Variants in HCN1 observed in about 807,000 individuals in gnomAD.
HCN1 encodes the protein potassium/sodium hyperpolarization-activated cyclic nucleotide-gated channel 1.
In HCN1, 13 loss-of-function variants were observed where a neutral mutation model predicts 78.9. That is an observed-to-expected ratio of 0.16 (90% CI 0.11 to 0.26). The LOEUF (loss-of-function observed/expected upper bound fraction) is 0.26, where lower values mean the gene tolerates loss of function less well. HCN1 is among the 10% of genes least tolerant of loss of function. The pLI is 1.00. For missense variants in HCN1, 810 were observed against 1,154.3 expected, an observed-to-expected ratio of 0.70 and a Z score of 4.32; for synonymous variants, 552 against 455.5, an observed-to-expected ratio of 1.21 and a Z score of -2.70.
chr5:45,351,062 C>T (rs1746889791), intron 5 of HCN1, among the ~76,000 whole-genome samples: 1 of 152,068 alleles, frequency 6.6e-6, no homozygotes, highest in African/African-American at 2.4e-5. Context: ...GAGCCCGCAT[C>T]ACCAAGTCAA....
chr5:45,422,529 T>G (rs1448403646), intron 3 of HCN1, among the ~76,000 whole-genome samples: 2 of 152,132 alleles, frequency 1.3e-5, no homozygotes, highest in African/African-American at 4.8e-5. Context: ...CTTTGAAGAT[T>G]AGGACTTCAA....
intron 5 of HCN1, among the ~76,000 whole-genome samples, chr5:45,332,897 A>T (rs1746375416): frequency 6.6e-6 from 1 of 151,700 alleles, no homozygotes; most frequent in South Asian, 2.1e-4. Context: ...ATGTTGATGG[A>T]CACTTCAGTT....
intron 2 of HCN1, among the ~76,000 whole-genome samples, chr5:45,607,579 T>TTTTA (rs536238796): frequency 7.8e-5 from 10 of 127,942 alleles, no homozygotes; most frequent in South Asian, 5.4e-4. Flanking sequence ...CACAATATCA[T>TTTTA]TATATATATA....
intron 6 of HCN1, among the ~76,000 whole-genome samples, chr5:45,277,015 G>T (rs568882708): frequency 1.4e-4 from 22 of 152,112 alleles, no homozygotes; most frequent in African/African-American, 5.1e-4. Context: ...ATTTGATTAG[G>T]CATAGAGAAT....
intron 2 of HCN1, among the ~76,000 whole-genome samples, chr5:45,465,049 A>AT (rs1483621167): frequency 6.6e-6 from 1 of 152,162 alleles, no homozygotes. Flanking sequence ...TAAGGTGGAC[A>AT]TTCTTAAGTA....
intron 4 of HCN1, among the ~76,000 whole-genome samples, chr5:45,376,299 T>TATTCCA (rs1747671386): frequency 1.4e-3 from 2 of 1,452 alleles, no homozygotes; most frequent in Admixed American, 8.2e-3. Context: ...ATATATTGTA[T>TATTCCA]TATATATAAA....
At chr5:45,313,362 C>A (rs1013341405) in intron 5 of HCN1, among the ~76,000 whole-genome samples, 2 of 152,122 alleles carry the variant, frequency 1.3e-5, no homozygotes, top group Admixed American at 1.3e-4. Context: ...AAAACCCCAT[C>A]TGTACGTCAC....
chr5:45,679,572 C>T (rs1739662346), intron 1 of HCN1, among the ~76,000 whole-genome samples: 1 of 152,034 alleles, frequency 6.6e-6, no homozygotes, highest in Non-Finnish European at 1.5e-5. Flanking sequence ...TTTCTAGTCA[C>T]ACAGCGTATT....
intron 3 of HCN1, among the ~76,000 whole-genome samples, chr5:45,404,086 A>G (rs190707614): frequency 6.6e-6 from 1 of 152,312 alleles, no homozygotes; most frequent in Admixed American, 6.5e-5. Context: ...CTACCATTGA[A>G]TGATGGCTTG....
At chr5:45,343,250 A>C (rs1241109258) in intron 5 of HCN1, among the ~76,000 whole-genome samples, 1 of 152,162 alleles carries the variant, frequency 6.6e-6, no homozygotes, top group African/African-American at 2.4e-5. Flanking sequence ...GAGCTTAGGG[A>C]GTCTATACTT....
At chr5:45,371,833 A>G (rs1187358086) in intron 4 of HCN1, among the ~76,000 whole-genome samples, 2 of 130,972 alleles carry the variant, frequency 1.5e-5, no homozygotes, top group Admixed American at 1.9e-4. Context: ...TCTACTATTT[A>G]TATTATATAT....
intron 1 of HCN1, among the ~76,000 whole-genome samples, chr5:45,653,712 T>G (rs963329749): frequency 6.6e-6 from 1 of 152,050 alleles, no homozygotes; most frequent in Non-Finnish European, 1.5e-5. Flanking sequence ...TAGGTGGGAT[T>G]TGAACAATGA....
chr5:45,634,103 A>T (rs1292769967), intron 2 of HCN1, among the ~76,000 whole-genome samples: 1 of 152,038 alleles, frequency 6.6e-6, no homozygotes, highest in Admixed American at 6.6e-5. Context: ...ATTTTTAAAA[A>T]TTTTTATTGC....
At chr5:45,336,223 A>G (rs1234487465) in intron 5 of HCN1, among the ~76,000 whole-genome samples, 2 of 152,012 alleles carry the variant, frequency 1.3e-5, no homozygotes, top group East Asian at 1.9e-4. Context: ...AGACTCATAC[A>G]TTTGACTAGA....
chr5:45,427,723 T>C (rs923105250), intron 3 of HCN1, among the ~76,000 whole-genome samples: 11 of 152,158 alleles, frequency 7.2e-5, no homozygotes, highest in African/African-American at 2.7e-4. Context: ...TTGCTTTTAT[T>C]TGTTCTTGTG....
chr5:45,320,564 C>A (rs1387029817), intron 5 of HCN1, among the ~76,000 whole-genome samples: 1 of 151,762 alleles, frequency 6.6e-6, no homozygotes, highest in Non-Finnish European at 1.5e-5. Context: ...CTGCCAGTAA[C>A]CACATGCTTG....
intron 3 of HCN1, among the ~76,000 whole-genome samples, chr5:45,438,722 T>G (rs535243019): frequency 6.6e-6 from 1 of 152,346 alleles, no homozygotes; most frequent in African/African-American, 2.4e-5. Flanking sequence ...CCAGTTTCTT[T>G]ATCATAAAAT....
chr5:45,355,620 G>A (rs1420482061), intron 4 of HCN1, among the ~76,000 whole-genome samples: 2 of 151,948 alleles, frequency 1.3e-5, no homozygotes, highest in East Asian at 1.9e-4. Flanking sequence ...CTCTATGTAG[G>A]TCAGGCACTC....
intron 4 of HCN1, among the ~76,000 whole-genome samples, chr5:45,375,526 T>G (rs1438072229): frequency 0.041 from 1,145 of 27,844 alleles, 2 homozygotes; most frequent in Middle Eastern, 0.062. Flanking sequence ...TGATACATAT[T>G]ATATATAAGA....
Sources: allele counts gnomAD v4.1 joint callset (sites outside exome capture counted in the v4.1 genomes callset), GRCh38; gene constraint gnomAD v4.1.1; transcripts MANE v1.5; gene names NCBI Gene and HGNC (gene_info 2026-07-23, HGNC 2026-07-21).